The following TRAIP variants were observed in gnomAD, a reference collection of about 807,000 sequenced individuals.
TRAIP encodes TRAF interacting protein.
In TRAIP, 37 loss-of-function variants were observed where a neutral mutation model predicts 65.0. That is an observed-to-expected ratio of 0.57 (90% CI 0.44 to 0.75). The LOEUF (loss-of-function observed/expected upper bound fraction) is 0.75. Ranked by LOEUF, TRAIP falls within the 30% of genes least tolerant of loss-of-function variation. The pLI, the probability that TRAIP is intolerant of heterozygous loss-of-function variation, is 0.00. For synonymous variants in TRAIP, 187 were observed against 219.1 expected (o/e 0.85, Z 1.29); for missense variants, 481 against 579.4 (o/e 0.83, Z 1.74).
intron 12 of TRAIP, 58 bp downstream of exon 12, chr3:49,829,962 C>T (rs986275707): frequency 6.2e-7 from 1 of 1,608,536 alleles, no homozygotes; most frequent in African/African-American, 1.3e-5. Flanking sequence ...AGACCGTGCC[C>T]TCCCAAAAGT....
chr3:49,837,026 T>C (rs1379406780), intron 10 of TRAIP, among the ~76,000 whole-genome samples: 2 of 143,430 alleles, frequency 1.4e-5, no homozygotes, highest in Non-Finnish European at 3.0e-5. Context: ...GGCGTGATCA[T>C]CACTTACTGC....
intron 4 of TRAIP, 49 bp from the exon 5 acceptor site, chr3:49,843,977 T>A (rs776724324): frequency 6.4e-7 from 1 of 1,564,434 alleles, no homozygotes; most frequent in Middle Eastern, 1.7e-4. Context: ...TGTCCATCCA[T>A]CAGCAGAAGA....
chr3:49,843,982 A>C, intron 4 of TRAIP, 54 bp from the exon 5 acceptor site: 1 of 1,559,864 alleles, frequency 6.4e-7, no homozygotes, highest in South Asian at 1.2e-5. Flanking sequence ...ATCCATCAGC[A>C]GAAGAACTTG....
chr3:49,849,342 G>C (rs1329571350), intron 1 of TRAIP, among the ~76,000 whole-genome samples: 1 of 150,920 alleles, frequency 6.6e-6, no homozygotes, highest in East Asian at 1.9e-4. Context: ...AAAAAAAAGA[G>C]TGGCCGGGCG....
chr3:49,831,371 G>C (rs7636294), intron 11 of TRAIP, among the ~76,000 whole-genome samples: 139,645 of 152,322 alleles, frequency 0.92, 64,266 homozygotes, highest in East Asian at 1. Flanking sequence ...ACTTGGCAAA[G>C]CTGGCCAAGG....
At chr3:49,855,599 C>A (rs1303238959) in intron 1 of TRAIP, among the ~76,000 whole-genome samples, 1 of 152,220 alleles carries the variant, frequency 6.6e-6, no homozygotes, top group Non-Finnish European at 1.5e-5. Flanking sequence ...CTCAGGCTGT[C>A]AGCAACACAG....
At chr3:49,847,745 C>T in intron 2 of TRAIP, 137 bp from the exon 3 acceptor site, 1 of 648,992 alleles carries the variant, frequency 1.5e-6, no homozygotes, top group Non-Finnish European at 2.7e-6. Context: ...CAAAGTACAT[C>T]CTTTAGAGTC....
At chr3:49,830,167 C>T in intron 11 of TRAIP, 99 bp from the exon 12 acceptor site, 1 of 1,316,902 alleles carries the variant, frequency 7.6e-7, no homozygotes, top group South Asian at 1.2e-5. Context: ...CCATGTGGCA[C>T]TGCTGCTGCC....
chr3:49,853,809 T>C (rs2081952444), intron 1 of TRAIP, among the ~76,000 whole-genome samples: 1 of 151,828 alleles, frequency 6.6e-6, no homozygotes, highest in African/African-American at 2.4e-5. Context: ...ATTGCGCCAC[T>C]GCACTCCAGT....
At chr3:49,839,643 C>T (rs2081819747) in intron 10 of TRAIP, 129 bp downstream of exon 10, 1 of 856,348 alleles carries the variant, frequency 1.2e-6, no homozygotes, top group Admixed American at 2.2e-5. Context: ...GGCTGGCTCC[C>T]AGGGCAGGCT....
intron 5 of TRAIP, among the ~76,000 whole-genome samples, 171 bp from the exon 6 acceptor site, chr3:49,842,718 G>A (rs1197403677): frequency 6.6e-6 from 1 of 152,140 alleles, no homozygotes; most frequent in Non-Finnish European, 1.5e-5. Flanking sequence ...ACTCTCGCTT[G>A]TGCTTCTTCT....
intron 10 of TRAIP, 91 bp downstream of exon 10, chr3:49,839,681 C>T: frequency 8.2e-7 from 1 of 1,220,744 alleles, no homozygotes. Context: ...CCACAGAGGT[C>T]ACCCACCCCA....
rs1232212939 is a variant in TRAIP, at chr3:49,847,486, A to G, written c.240+39T>C. The G allele has an allele frequency of 2.5e-5, 33 of 1,324,686 alleles. No individual in the cohort carries two copies. In the East Asian group the frequency reaches 7.5e-4, roughly 30 times the overall value. 82.1% of individuals were successfully genotyped at this position (1,324,686 alleles called of 1,614,324 possible). On this transcript the variant is annotated intron_variant, in intron 3 of 14. Coordinates refer to ENST00000331456, the MANE Select transcript of TRAIP (RefSeq NM_005879.3). ...GAAAAAAGAAAAGTGAACTCGCACA[A>G]GGCTTGGAGTTCAGTAGAATCAGAT...
intron 2 of TRAIP, 80 bp from the exon 3 acceptor site, chr3:49,847,688 C>A (rs2081897076): frequency 1.1e-6 from 1 of 939,526 alleles, no homozygotes; most frequent in Non-Finnish European, 1.7e-6. Flanking sequence ...ATGGGTCTGA[C>A]TACCTGCCTG....
chr3:49,847,644 A>T, intron 2 of TRAIP, 36 bp from the exon 3 acceptor site: 1 of 1,497,424 alleles, frequency 6.7e-7, no homozygotes, highest in Non-Finnish European at 9.2e-7. Context: ...ATGATTGTGT[A>T]GCTGGGTCAT....
chr3:49,838,274 G>C (rs1475566683), intron 10 of TRAIP, among the ~76,000 whole-genome samples: 1 of 152,216 alleles, frequency 6.6e-6, no homozygotes, highest in Admixed American at 6.5e-5. Context: ...AAGAAGGCTT[G>C]TCAAGTTTAG....
chr3:49,842,045 G>T, intron 6 of TRAIP, 106 bp from the exon 7 acceptor site: 1 of 889,522 alleles, frequency 1.1e-6, no homozygotes, highest in Non-Finnish European at 1.8e-6. Context: ...TAACAGGCTA[G>T]GCTGCCAGGA....
intron 10 of TRAIP, among the ~76,000 whole-genome samples, chr3:49,838,686 GA>G (rs1239133529): frequency 6.6e-6 from 1 of 152,148 alleles, no homozygotes; most frequent in African/African-American, 2.4e-5. Flanking sequence ...AGGAGTTCAA[GA>G]CCAGCCTGGC....
At position 49,856,559 on chromosome 3, in the gene TRAIP, C is replaced by A; in HGVS notation, c.-106G>T. 1.1e-6 allele frequency: 1 copy of A among 942,332 alleles called. No individual in the cohort carries two copies. The highest frequency in any genetic ancestry group is 2.7e-5 in the East Asian group (1 of 36,404). 58.4% of individuals were successfully genotyped at this position (942,332 alleles called of 1,614,324 possible). ...TTGCTTCAAATTTGGCTCCGCAGCA[C>A]GACTTCCTGGAGCGGGCCGGAAGTG... is the stretch of plus-strand genomic sequence containing the variant. On this transcript the variant is annotated 5_prime_UTR_variant, in exon 1 of 15. Coordinates refer to ENST00000331456, the MANE Select transcript of TRAIP (RefSeq NM_005879.3).
Sources: gnomAD v4.1 joint callset for allele counts (sites outside exome capture counted in the v4.1 genomes callset) on GRCh38, gnomAD v4.1.1 for gene constraint, MANE v1.5 for transcripts, NCBI Gene and HGNC (gene_info 2026-07-23, HGNC 2026-07-21) for gene names.